NPAS2: variants seen among roughly 807,000 people sequenced by gnomAD.
NPAS2 encodes the protein neuronal PAS domain-containing protein 2.
In NPAS2, 23 loss-of-function variants were observed where a neutral mutation model predicts 107.5. The ratio of observed to expected loss-of-function variants is 0.21; its 90% CI spans 0.15 to 0.30. The LOEUF (loss-of-function observed/expected upper bound fraction) is 0.30. Among genes scored for constraint, NPAS2 ranks in the 10% least tolerant of loss-of-function variants. The pLI, the probability that NPAS2 is intolerant of heterozygous loss-of-function variation, is 1.00. For synonymous variants in NPAS2, 403 were observed against 417.5 expected, an observed-to-expected ratio of 0.97 and a Z score of 0.42; for missense variants, 756 against 1,043.3, an observed-to-expected ratio of 0.72 and a Z score of 3.79.
At chr2:100,838,221 A>G (rs978273056) in intron 1 of NPAS2, among the ~76,000 whole-genome samples, 1 of 151,636 alleles carries the variant, frequency 6.6e-6, no homozygotes, top group African/African-American at 2.4e-5. Flanking sequence ...GGGTTATAAT[A>G]AACATTTAAG....
chr2:100,930,244 T>C (rs997462768), intron 3 of NPAS2, among the ~76,000 whole-genome samples: 2 of 152,190 alleles, frequency 1.3e-5, no homozygotes, highest in African/African-American at 4.8e-5. Context: ...TCTGTCTTCA[T>C]GGATGGAAGA....
intron 2 of NPAS2, among the ~76,000 whole-genome samples, chr2:100,924,919 C>T (rs1394960846): frequency 1.3e-5 from 2 of 152,174 alleles, no homozygotes; most frequent in Non-Finnish European, 2.9e-5. Context: ...GCGTCTGAGT[C>T]AGAACTTACT....
intron 3 of NPAS2, among the ~76,000 whole-genome samples, chr2:100,926,922 CTTTTTTCT>C (rs1447564748): frequency 6.7e-6 from 1 of 148,282 alleles, no homozygotes; most frequent in Non-Finnish European, 1.5e-5. Flanking sequence ...GGTTTATAAC[CTTTTTTCT>C]TTTTTTCTTT....
rs556765037 is a variant in NPAS2, at chr2:100,852,698, T to C, written c.-23+32284T>C. Among the ~76,000 whole-genome samples the C allele has an allele frequency of 5.9e-5, 9 of 152,126 alleles. No homozygotes were observed. The Middle Eastern group carries it at 0.02, about 345-fold the overall frequency. On this transcript the variant is annotated intron_variant, in intron 1 of 20. Transcript: ENST00000335681. ...TCACAGTGGAGTCACCGCCTCTACA[T>C]TGCAAGAGAGATGGGAGGCACTGAT...
intron 2 of NPAS2, among the ~76,000 whole-genome samples, chr2:100,921,140 G>T (rs1683200047): frequency 6.6e-6 from 1 of 152,340 alleles, no homozygotes; most frequent in Non-Finnish European, 1.5e-5. Flanking sequence ...GATTTGGAGG[G>T]AGCTGTAGGA....
intron 1 of NPAS2, among the ~76,000 whole-genome samples, chr2:100,828,142 T>C (rs908371158): frequency 1.3e-5 from 2 of 152,246 alleles, no homozygotes; most frequent in Admixed American, 6.5e-5. Context: ...ATTGAGGTTT[T>C]GATTTGCATT....
intron 4 of NPAS2, 138 bp from the exon 5 acceptor site, chr2:100,937,615 T>C (rs1684409139): frequency 2.9e-6 from 2 of 697,286 alleles, no homozygotes; most frequent in Non-Finnish European, 5.2e-6. Context: ...GGCCAAGAAG[T>C]GCCGTGAGGT....
At chr2:100,842,590 T>C (rs1677512477) in intron 1 of NPAS2, among the ~76,000 whole-genome samples, 1 of 152,098 alleles carries the variant, frequency 6.6e-6, no homozygotes, top group South Asian at 2.1e-4. Flanking sequence ...TTATATAAAG[T>C]CCTTAGTCGT....
In NPAS2 at chr2:100,925,143, C is replaced by T. The variant is rs1683477886; in HGVS notation, c.33-3C>T. 2.5e-6 allele frequency: 4 copies of T among 1,608,566 alleles called. No individual in the cohort carries two copies. Among genetic ancestry groups the T allele is most frequent in the Non-Finnish European group, 3.4e-6 (4 of 1,176,144 alleles). On this transcript the variant is annotated splice_polypyrimidine_tract_variant and splice_region_variant and intron_variant, in intron 2 of 20. Coordinates refer to ENST00000335681, the MANE Select transcript of NPAS2 (RefSeq NM_002518.4). ...CAGTAACCTGCTCGTTTTGTGTTTACAGAGCTTCTCGAAACAAGTCTGAGA... is the reference window on the plus strand; with the variant it reads ...CAGTAACCTGCTCGTTTTGTGTTTATAGAGCTTCTCGAAACAAGTCTGAGA...
At chr2:100,995,077 C>T in intron 20 of NPAS2, 1 of 322,228 alleles carries the variant, frequency 3.1e-6, no homozygotes, top group Non-Finnish European at 5.6e-6. Context: ...CATCCAAAAA[C>T]ATTGTGGCTA....
chr2:100,954,669 AAAAAAAAAAAAG>A (rs944811796), intron 7 of NPAS2, among the ~76,000 whole-genome samples: 4 of 116,522 alleles, frequency 3.4e-5, no homozygotes, highest in East Asian at 2.6e-4. Flanking sequence ...TGTCTCAAAA[AAAAAAAAAAAAG>A]AAAAAAAAGA....
chr2:100,913,653 T>A (rs1353220931), intron 2 of NPAS2, among the ~76,000 whole-genome samples: 1 of 152,158 alleles, frequency 6.6e-6, no homozygotes, highest in Non-Finnish European at 1.5e-5. Flanking sequence ...TTTTCTCTTT[T>A]TACTGCCTTT....
At chr2:100,844,981 C>T (rs575121794) in intron 1 of NPAS2, among the ~76,000 whole-genome samples, 5 of 152,136 alleles carry the variant, frequency 3.3e-5, no homozygotes, top group Non-Finnish European at 7.3e-5. Context: ...TGTCGGCCAC[C>T]AGCACTTGTG....
intron 7 of NPAS2, 137 bp downstream of exon 7, chr2:100,949,617 A>G: frequency 1.6e-6 from 1 of 617,662 alleles, no homozygotes; most frequent in South Asian, 1.9e-5. Context: ...TCGAGTTCCC[A>G]GGATGTGTTT....
Position 100,975,433 on chromosome 2 carries a change from A to G in NPAS2, c.1283-25A>G, listed in dbSNP as rs762514739. 3 of 1,597,112 alleles carry G rather than the reference A, an allele frequency of 1.9e-6. No homozygotes were observed. The East Asian group carries it at 6.8e-5, about 36-fold the overall frequency. On this transcript the variant is annotated intron_variant, in intron 13 of 20. Coordinates refer to ENST00000335681, the MANE Select transcript of NPAS2 (RefSeq NM_002518.4). ...TACATGCTAAGTACATGGAAGTTAG[A>G]AGGTCATTCGTTGCTTTCTTACAGC...
At chr2:100,826,769 G>A (rs1676409868) in intron 1 of NPAS2, among the ~76,000 whole-genome samples, 1 of 151,984 alleles carries the variant, frequency 6.6e-6, no homozygotes, top group South Asian at 2.1e-4. Flanking sequence ...GCCAAATTGG[G>A]GGCTAAAAAA....
At chr2:100,953,961 G>T (rs148706887) in intron 7 of NPAS2, among the ~76,000 whole-genome samples, 2 of 152,312 alleles carry the variant, frequency 1.3e-5, no homozygotes, top group Non-Finnish European at 2.9e-5. Flanking sequence ...GAAGGGAAAG[G>T]TTCATGCTCT....
chr2:100,911,691 G>A (rs356657), intron 2 of NPAS2, among the ~76,000 whole-genome samples: 55,399 of 151,848 alleles, frequency 0.36, 11,000 homozygotes, highest in Admixed American at 0.51. Context: ...GAGTGCAGTG[G>A]CACAATGTCG....
In NPAS2 at chr2:100,901,517, C is replaced by T. The variant is rs568376631; in HGVS notation, c.-22-3216C>T. 20 of 985,236 alleles carry T rather than the reference C, an allele frequency of 2.0e-5. No individual in the cohort carries two copies. In the South Asian group the frequency reaches 2.8e-4, roughly 14 times the overall value. 61.0% of individuals were successfully genotyped at this position (985,236 alleles called of 1,614,324 possible). A position where few individuals can be genotyped will look rare whatever the true frequency, so the allele number is the denominator to read the frequency against. On this transcript the variant is annotated intron_variant, in intron 1 of 20. Coordinates refer to ENST00000335681, the MANE Select transcript of NPAS2 (RefSeq NM_002518.4). ...CCCCAGAGAGATGAATGTTACCGGG[C>T]GTGTTCCCTTCTCTCTTCCCTGACG...
Sources: gnomAD v4.1 joint callset for allele counts (sites outside exome capture counted in the v4.1 genomes callset) on GRCh38, gnomAD v4.1.1 for gene constraint, MANE v1.5 for transcripts, NCBI Gene and HGNC (gene_info 2026-07-23, HGNC 2026-07-21) for gene names.